Variants in ADGRF5 observed in about 807,000 individuals in gnomAD.
The protein encoded by ADGRF5 is adhesion G protein-coupled receptor F5.
ADGRF5 carries 75 observed loss-of-function variants against 132.3 expected under a neutral mutation model. The ratio of observed to expected loss-of-function variants is 0.57; its 90% CI spans 0.47 to 0.69. The LOEUF is 0.69. Ranked by LOEUF, ADGRF5 falls within the 30% of genes least tolerant of loss-of-function variation. The pLI, the probability that ADGRF5 is intolerant of heterozygous loss-of-function variation, is 0.00. For missense variants in ADGRF5, 1,516 were observed against 1,630.6 expected, an observed-to-expected ratio of 0.93 and a Z score of 1.21; for synonymous variants, 629 against 597.6, an observed-to-expected ratio of 1.05 and a Z score of -0.77.
At chr6:46,869,393 C>CA (rs1770807805) in intron 11 of ADGRF5, 1 of 985,236 alleles carries the variant, frequency 1.0e-6, no homozygotes, top group South Asian at 4.7e-5. Flanking sequence ...TAAAAGGTTG[C>CA]AAACTTAGGG....
chr6:46,898,356 T>A (rs1017155224), intron 3 of ADGRF5, among the ~76,000 whole-genome samples: 1 of 152,196 alleles, frequency 6.6e-6, no homozygotes, highest in African/African-American at 2.4e-5. Context: ...AAATACCAAA[T>A]GAGCACATCT....
chr6:46,877,306 T>TTTCCTTCC (rs1554200509), intron 10 of ADGRF5, among the ~76,000 whole-genome samples: 14 of 77,138 alleles, frequency 1.8e-4, no homozygotes, highest in African/African-American at 7.4e-4. Context: ...TCTCTCTCTC[T>TTTCCTTCC]TTCCTTCCTT....
chr6:46,952,082 G>A (rs149431382), intron 1 of ADGRF5, among the ~76,000 whole-genome samples: 82 of 152,248 alleles, frequency 5.4e-4, no homozygotes, highest in African/African-American at 1.9e-3. Context: ...AAAACTCAAG[G>A]TTCAGAGAAA....
chr6:46,929,193 G>A (rs1003693442), intron 1 of ADGRF5, among the ~76,000 whole-genome samples: 87 of 152,194 alleles, frequency 5.7e-4, no homozygotes, highest in African/African-American at 1.9e-3. Flanking sequence ...TCCTTTGTAG[G>A]GACATGGATG....
At chr6:46,921,652 C>T (rs182236142) in intron 1 of ADGRF5, 61 bp downstream of exon 1, 11 of 152,336 alleles carry the variant, frequency 7.2e-5, no homozygotes, top group Admixed American at 7.2e-4. Context: ...TTAGGAGCCC[C>T]TGAGGTCTTG....
chr6:46,897,145 T>TATATAC (rs1554206284), intron 3 of ADGRF5, among the ~76,000 whole-genome samples: 309 of 141,872 alleles, frequency 2.2e-3, no homozygotes, highest in African/African-American at 7.6e-3. Flanking sequence ...TGCATATATA[T>TATATAC]ACACACACAC....
intron 1 of ADGRF5, among the ~76,000 whole-genome samples, chr6:46,944,688 T>C (rs1170670892): frequency 1.3e-5 from 2 of 152,214 alleles, no homozygotes; most frequent in Non-Finnish European, 2.9e-5. Context: ...CTTATACTAA[T>C]ATATTATACA....
intron 3 of ADGRF5, among the ~76,000 whole-genome samples, chr6:46,889,146 G>A (rs1773362137): frequency 6.7e-6 from 1 of 149,506 alleles, no homozygotes; most frequent in Admixed American, 6.7e-5. Context: ...AGCTACATCA[G>A]GCAGGCTAAT....
intron 3 of ADGRF5, among the ~76,000 whole-genome samples, chr6:46,891,167 T>C (rs545996885): frequency 7.9e-4 from 121 of 152,286 alleles, no homozygotes; most frequent in Non-Finnish European, 1.3e-3. Context: ...ATTTGACAAA[T>C]AGAATAAAGT....
intron 3 of ADGRF5, among the ~76,000 whole-genome samples, chr6:46,889,638 C>T (rs1018993461): frequency 2.1e-5 from 3 of 144,510 alleles, no homozygotes; most frequent in African/African-American, 7.6e-5. Flanking sequence ...AACAGATCCA[C>T]CTTGACTATG....
At chr6:46,935,897 G>C (rs1427138070) in intron 1 of ADGRF5, among the ~76,000 whole-genome samples, 1 of 152,182 alleles carries the variant, frequency 6.6e-6, no homozygotes. Context: ...AGGAAGCCTT[G>C]TAGGGGGACG....
chr6:46,872,776 T>C (rs1176917323), intron 10 of ADGRF5, among the ~76,000 whole-genome samples: 3 of 152,208 alleles, frequency 2.0e-5, no homozygotes, highest in Middle Eastern at 3.4e-3. Context: ...TCTCCCTCCT[T>C]CCACCTTGCC....
At chr6:46,880,488 G>A (rs1185520016) in intron 8 of ADGRF5, among the ~76,000 whole-genome samples, 1 of 152,142 alleles carries the variant, frequency 6.6e-6, no homozygotes, top group Non-Finnish European at 1.5e-5. Flanking sequence ...ATTTAGAAAT[G>A]TAAAAACAAA....
At chr6:46,873,714 A>G (rs1330640707) in intron 10 of ADGRF5, among the ~76,000 whole-genome samples, 2 of 152,192 alleles carry the variant, frequency 1.3e-5, no homozygotes, top group African/African-American at 4.8e-5. Flanking sequence ...GAAACTTTAG[A>G]AGCAAATTCC....
chr6:46,938,672 G>A (rs902324972), intron 1 of ADGRF5, among the ~76,000 whole-genome samples: 1 of 152,062 alleles, frequency 6.6e-6, no homozygotes, highest in Admixed American at 6.6e-5. Context: ...AGGACTTCTG[G>A]GTTCCCCCTG....
intron 10 of ADGRF5, among the ~76,000 whole-genome samples, chr6:46,876,948 GC>G (rs1396713629): frequency 6.6e-6 from 1 of 152,170 alleles, no homozygotes; most frequent in African/African-American, 2.4e-5. Flanking sequence ...CATAGCTAAG[GC>G]TTTGTAAAAT....
chr6:46,903,075 C>T (rs897648748), intron 2 of ADGRF5, among the ~76,000 whole-genome samples: 6 of 152,164 alleles, frequency 3.9e-5, no homozygotes, highest in Non-Finnish European at 8.8e-5. Flanking sequence ...TGGTGAGTGT[C>T]GTGTATCCTG....
Position 46,864,628 on chromosome 6 carries a change from G to A in ADGRF5, c.1990+414C>T, listed in dbSNP as rs184848293. Among the ~76,000 whole-genome samples, 662 of 151,580 alleles carry A rather than the reference G, an allele frequency of 4.4e-3. 7 individuals carry two copies. Among genetic ancestry groups the A allele is most frequent in the African/African-American group, 0.015 (629 of 41,244 alleles). ...CAACCTCCGCCTCCTGGGTTCAAGC[G>A]ATTCTTCCGCCTCAGCCTCCCGAGC... On this transcript the variant is annotated intron_variant, in intron 14 of 20. Transcript: ENST00000283296.
chr6:46,865,912 C>G (rs1311360283), intron 13 of ADGRF5, among the ~76,000 whole-genome samples: 1 of 152,128 alleles, frequency 6.6e-6, no homozygotes, highest in East Asian at 1.9e-4. Context: ...TCATTGCCTA[C>G]TATGGTGTCT....
Sources: allele counts gnomAD v4.1 joint callset (sites outside exome capture counted in the v4.1 genomes callset), GRCh38; gene constraint gnomAD v4.1.1; transcripts MANE v1.5; gene names NCBI Gene and HGNC (gene_info 2026-07-23, HGNC 2026-07-21).